Variants in GRM5 observed in about 807,000 individuals in gnomAD.
The protein encoded by GRM5 is glutamate metabotropic receptor 5.
Under a neutral mutation model 83.1 loss-of-function variants are expected in GRM5, and 19 were observed. The ratio of observed to expected loss-of-function variants is 0.23; its 90% confidence interval spans 0.16 to 0.34. The LOEUF (loss-of-function observed/expected upper bound fraction) is 0.34, where lower values mean the gene tolerates loss of function less well. GRM5 is among the 10% of genes least tolerant of loss of function. GRM5 has a pLI of 1.00. For missense variants in GRM5, 1,160 were observed against 1,588.3 expected (o/e 0.73, Z 4.58); for synonymous variants, 675 against 633.6 (o/e 1.07, Z -0.98).
rs16914201 is a variant in GRM5, at chr11:88,549,066, A to G, written c.2630+17987T>C. Among the ~76,000 whole-genome samples, 971 of 152,318 alleles carry G rather than the reference A, an allele frequency of 6.4e-3. 11 individuals carry two copies. The highest frequency in any genetic ancestry group is 0.019 in the African/African-American group (781 of 41,568). On this transcript the variant is annotated intron_variant, in intron 8 of 9. Transcript: ENST00000305447. ...TAATGGAAATAACAGTTGATAAAAT[A>G]AGTGAAACACTTGGGTTAGGAATTG...
chr11:88,676,438 C>CGTATA (rs1940331437), intron 3 of GRM5, among the ~76,000 whole-genome samples: 1 of 151,940 alleles, frequency 6.6e-6, no homozygotes, highest in Non-Finnish European at 1.5e-5. Flanking sequence ...CTTGAAGTTC[C>CGTATA]TTGGGGGCAG....
intron 5 of GRM5, among the ~76,000 whole-genome samples, chr11:88,600,360 G>A (rs1249216318): frequency 4.4e-5 from 6 of 135,998 alleles, no homozygotes; most frequent in Non-Finnish European, 9.1e-5. Flanking sequence ...GCACCTCTTG[G>A]TTTCTATATT....
intron 3 of GRM5, among the ~76,000 whole-genome samples, chr11:88,813,755 T>A (rs1943624148): frequency 6.6e-6 from 1 of 152,172 alleles, no homozygotes; most frequent in South Asian, 2.1e-4. Flanking sequence ...TTTTTACATA[T>A]AACATATAAA....
chr11:88,542,211 G>GCACA (rs1322146065), intron 8 of GRM5, among the ~76,000 whole-genome samples: 1 of 152,096 alleles, frequency 6.6e-6, no homozygotes, highest in African/African-American at 2.4e-5. Flanking sequence ...AATAACTGAG[G>GCACA]CACAGAGTGG....
intron 2 of GRM5, among the ~76,000 whole-genome samples, chr11:89,010,270 A>G (rs1940659445): frequency 6.6e-6 from 1 of 152,298 alleles, no homozygotes; most frequent in South Asian, 2.1e-4. Flanking sequence ...CATGATTTGC[A>G]TTGAGATCTT....
At chr11:88,720,612 C>T (rs1232588113) in intron 3 of GRM5, among the ~76,000 whole-genome samples, 2 of 152,020 alleles carry the variant, frequency 1.3e-5, no homozygotes, top group African/African-American at 4.8e-5. Flanking sequence ...AGCTACTGGC[C>T]ACTTTTTTTT....
intron 6 of GRM5, among the ~76,000 whole-genome samples, 173 bp from the exon 7 acceptor site, chr11:88,590,900 G>T (rs1463210990): frequency 6.6e-6 from 1 of 152,062 alleles, no homozygotes; most frequent in Non-Finnish European, 1.5e-5. Flanking sequence ...AGAAAATAAG[G>T]CTGAGTTTAA....
chr11:88,855,230 T>G (rs967294104), intron 2 of GRM5, among the ~76,000 whole-genome samples: 1 of 151,940 alleles, frequency 6.6e-6, no homozygotes, highest in African/African-American at 2.4e-5. Flanking sequence ...GCATAGAAGC[T>G]TGTATACTAT....
At chr11:88,697,222 C>T (rs1365516840) in intron 3 of GRM5, among the ~76,000 whole-genome samples, 1 of 152,172 alleles carries the variant, frequency 6.6e-6, no homozygotes, top group Non-Finnish European at 1.5e-5. Context: ...TTTTTATTTT[C>T]CCCTAAGGTC....
At chr11:88,862,997 A>G (rs948716942) in intron 2 of GRM5, among the ~76,000 whole-genome samples, 1 of 152,242 alleles carries the variant, frequency 6.6e-6, no homozygotes, top group Admixed American at 6.5e-5. Flanking sequence ...TGCAGCCAAC[A>G]AAGATATGAA....
At position 88,567,041 on chromosome 11, in the gene GRM5, C is replaced by T; in HGVS notation, c.2630+12G>A. 6.4e-7 allele frequency: 1 copy of T among 1,559,850 alleles called. No individual in the cohort carries two copies. The highest frequency in any genetic ancestry group is 8.8e-7 in the Non-Finnish European group (1 of 1,142,644). ...AGGGGCCAGCATCCCTGTAAGCCCC[C>T]ACAACTTTTACCTTAAGGTTTCCCC... On this transcript the variant is annotated intron_variant, in intron 8 of 9. Coordinates refer to ENST00000305447, the MANE Select transcript of GRM5 (RefSeq NM_001143831.3). This position sits in a 1 kb window ranked among gnomAD's most constrained non-coding sequence, Gnocchi z 7.3.
chr11:88,653,472 C>T (rs1056992987), intron 3 of GRM5, 69 bp from the exon 4 acceptor site: 1 of 1,027,114 alleles, frequency 9.7e-7, no homozygotes, highest in Admixed American at 2.0e-5. Context: ...CATTTGCTTT[C>T]CTTTTGACAA....
intron 9 of GRM5, among the ~76,000 whole-genome samples, chr11:88,518,504 T>C (rs557708553): frequency 6.6e-6 from 1 of 152,080 alleles, no homozygotes; most frequent in Admixed American, 6.5e-5. Flanking sequence ...GAATAAATGG[T>C]TTCAGGGTCA....
intron 2 of GRM5, among the ~76,000 whole-genome samples, chr11:88,997,815 TA>T (rs1365457071): frequency 6.6e-6 from 1 of 152,122 alleles, no homozygotes; most frequent in Non-Finnish European, 1.5e-5. Context: ...CTTTATAATG[TA>T]AACTCAAAAA....
At chr11:88,669,786 T>C (rs1010408682) in intron 3 of GRM5, among the ~76,000 whole-genome samples, 13 of 152,046 alleles carry the variant, frequency 8.6e-5, no homozygotes, top group Non-Finnish European at 1.8e-4. Flanking sequence ...GAGATTTTAC[T>C]TGATAAAGAG....
intron 3 of GRM5, among the ~76,000 whole-genome samples, chr11:88,782,629 A>C (rs1942995588): frequency 6.6e-6 from 1 of 152,098 alleles, no homozygotes; most frequent in African/African-American, 2.4e-5. Flanking sequence ...CCTTATATAT[A>C]TTGGCTTATT....
chr11:88,509,306 C>T lies in GRM5; in HGVS notation c.2925G>A (p.Gly975=). The T allele has an allele frequency of 1.3e-6, 2 of 1,559,772 alleles. No homozygotes were observed. Among genetic ancestry groups the T allele is most frequent in the Non-Finnish European group, 1.7e-6 (2 of 1,155,870 alleles). The change falls in exon 10 of 10, where the codon GGG becomes GGA. Residue 975 remains glycine, a synonymous_variant. Transcript: ENST00000305447. ...CTGCGCAGCCCGCACCGCCCGTGGC[C>T]CCCACGCCCCCAGCGCTCCCGCCTG... is the stretch of plus-strand genomic sequence containing the variant. The part of the protein sequence containing the change: ...AGAGGSAGGV[G]ATGGAGCAGA...
At chr11:88,964,284 A>T (rs1477006218) in intron 2 of GRM5, among the ~76,000 whole-genome samples, 1 of 152,176 alleles carries the variant, frequency 6.6e-6, no homozygotes, top group Non-Finnish European at 1.5e-5. Flanking sequence ...TTACCTTCCC[A>T]TCCAAACATA....
intron 4 of GRM5, chr11:88,612,872 A>G (rs1938364344): frequency 6.6e-6 from 1 of 152,234 alleles, no homozygotes; most frequent in African/African-American, 2.4e-5. Flanking sequence ...TCTTCTCTGT[A>G]TCGTTCCAAT....
Sources: allele counts gnomAD v4.1 joint callset (sites outside exome capture counted in the v4.1 genomes callset), GRCh38; gene constraint gnomAD v4.1.1; non-coding constraint Gnocchi (gnomAD v3.1); transcripts MANE v1.5; gene names NCBI Gene and HGNC (gene_info 2026-07-23, HGNC 2026-07-21).